CEP290: variants seen among roughly 807,000 people sequenced by gnomAD.
The protein encoded by CEP290 is centrosomal protein 290, also known as centrosomal protein of 290 kDa.
In CEP290, 317 loss-of-function variants were observed where a neutral mutation model predicts 344.9. That is an observed-to-expected ratio of 0.92 (90% CI 0.84 to 1.01). The LOEUF is 1.01. Ranked by LOEUF, CEP290 falls within the 50% of genes least tolerant of loss-of-function variation. The pLI is 0.00. For missense variants in CEP290, 2,754 were observed against 2,761.4 expected (o/e 1.00, Z 0.06); for synonymous variants, 932 against 895.8 (o/e 1.04, Z -0.72).
In CEP290 at chr12:88,079,134, G is replaced by T; in HGVS notation, c.5322C>A (p.Leu1774=). The T allele has an allele frequency of 1.9e-6, 3 of 1,597,048 alleles. No individual in the cohort carries two copies. The highest frequency in any genetic ancestry group is 2.6e-6 in the Non-Finnish European group (3 of 1,173,342). Residue 1774 remains leucine (L), a synonymous_variant, in exon 39 of 54, where the codon CTC becomes CTA. Coordinates refer to ENST00000552810, the MANE Select transcript of CEP290 (RefSeq NM_025114.4). ...ISATSQKEAH[L]NVQQIVDRHT... ...GTCGATCAACGATTTGTTGAACATTGAGATGGGCCTCTTTTTGAGAAGTTG... is the reference window on the plus strand; with the variant it reads ...GTCGATCAACGATTTGTTGAACATTTAGATGGGCCTCTTTTTGAGAAGTTG...
rs368995840 is a variant in CEP290, at chr12:88,051,152, AAAGT to A, written c.7130-723_7130-720del. ...AATAATAAAATACTAAAAGTTTGCG[AAAGT>A]AAGGGGCAGCAAACATTTTCATGGC... On this transcript the variant is annotated intron_variant, in intron 52 of 53. Transcript: ENST00000552810. Among the ~76,000 whole-genome samples the A allele has an allele frequency of 1.3e-4, 20 of 151,934 alleles. 1 individual carries two copies. In the East Asian group the frequency reaches 3.9e-3, roughly 29 times the overall value.
rs2040649264 is a variant in CEP290 at position 88,141,353 on chromosome 12, A to G, written c.-27-19T>C. 1 of 1,272,180 alleles carries G rather than the reference A, an allele frequency of 7.9e-7. No homozygotes were observed. The highest frequency in any genetic ancestry group is 1.1e-6 in the Non-Finnish European group (1 of 901,528). The allele number at this position is 1,272,180 out of a possible 1,614,324, so 78.8% of individuals were successfully genotyped here. A position where few individuals can be genotyped will look rare whatever the true frequency, so the allele number is the denominator to read the frequency against. On this transcript the variant is annotated intron_variant, in intron 1 of 53. Transcript: ENST00000552810. Reference sequence around the variant, plus strand: ...TCCACCTCTGTAACAAAACAGGTGTATATTAGCATTTTCAAGGTACACAGT... The same window carrying G: ...TCCACCTCTGTAACAAAACAGGTGTGTATTAGCATTTTCAAGGTACACAGT...
intron 20 of CEP290, among the ~76,000 whole-genome samples, chr12:88,112,345 T>A (rs931803867): frequency 6.6e-6 from 1 of 152,150 alleles, no homozygotes; most frequent in African/African-American, 2.4e-5. Flanking sequence ...AATACAATAT[T>A]GAACAATTGA....
chr12:88,125,318 G>T lies in CEP290; in HGVS notation c.1117C>A (p.Gln373Lys). 2 of 1,290,556 alleles carry T rather than the reference G, an allele frequency of 1.5e-6. No homozygotes were observed. The highest frequency in any genetic ancestry group is 2.0e-6 in the Non-Finnish European group (2 of 980,204). The allele number at this position is 1,290,556 out of a possible 1,614,324, so 79.9% of individuals were successfully genotyped here. The change falls in exon 13 of 54, where the codon CAA (glutamine) becomes AAA (lysine). Residue 373 changes from glutamine (Q) to lysine (K), a missense_variant. Gln to Lys is a moderately conservative substitution (Grantham distance 53). Coordinates refer to ENST00000552810, the MANE Select transcript of CEP290 (RefSeq NM_025114.4). ...TTCTTTTCCATTTCTTTTGTATATTGTTCTACTTGTTCGGTGAGCATCTTA... is the reference window on the plus strand; with the variant it reads ...TTCTTTTCCATTTCTTTTGTATATTTTTCTACTTGTTCGGTGAGCATCTTA... Reference protein sequence around the residue: ...QIKMLTEQVEQYTKEMEKNTC... With the variant: ...QIKMLTEQVEKYTKEMEKNTC...
At chr12:88,067,421 C>A (rs1342393346) in intron 44 of CEP290, among the ~76,000 whole-genome samples, 1 of 152,172 alleles carries the variant, frequency 6.6e-6, no homozygotes, top group East Asian at 1.9e-4. Flanking sequence ...GCCACGTAGC[C>A]AAACCAGGGA....
chr12:88,129,569 T>C, intron 10 of CEP290, 125 bp downstream of exon 10: 1 of 578,120 alleles, frequency 1.7e-6, no homozygotes, highest in Non-Finnish European at 2.9e-6. Context: ...CATGACAAGA[T>C]ATTACACTAT....
rs2036982078 is a variant in CEP290, at chr12:88,090,852, A to T, written c.3462-13T>A. ...AATCTCTCTCAGTCTAGGAAATGAT[A>T]AGGTATTTCAGGAACAATTAAGTAC... is the stretch of plus-strand genomic sequence containing the variant. On this transcript the variant is annotated splice_polypyrimidine_tract_variant and intron_variant, in intron 29 of 53. Coordinates refer to ENST00000552810, the MANE Select transcript of CEP290 (RefSeq NM_025114.4). The T allele has an allele frequency of 3.4e-6, 5 of 1,483,784 alleles. No individual in the cohort carries two copies. The African/African-American group carries it at 7.0e-5, about 21-fold the overall frequency. The allele number at this position is 1,483,784 out of a possible 1,614,324, so 91.9% of individuals were successfully genotyped here. A position where few individuals can be genotyped will look rare whatever the true frequency, so the allele number is the denominator to read the frequency against.
chr12:88,130,628 A>G (rs2040011920), intron 7 of CEP290, 63 bp from the exon 8 acceptor site: 1 of 1,424,402 alleles, frequency 7.0e-7, no homozygotes, highest in Non-Finnish European at 9.2e-7. Flanking sequence ...ATTAAAAATA[A>G]TAATCAGAAA....
At chr12:88,104,058 T>C (rs17015465) in intron 25 of CEP290, 1 of 141,882 alleles carries the variant, frequency 7.0e-6, no homozygotes, top group African/African-American at 2.8e-5. Flanking sequence ...ACTGTATTTA[T>C]AAAACTCTAA....
At chr12:88,135,479 T>C (rs1363820804) in intron 6 of CEP290, among the ~76,000 whole-genome samples, 2 of 152,146 alleles carry the variant, frequency 1.3e-5, no homozygotes, top group Non-Finnish European at 2.9e-5. Context: ...TTGATGACTA[T>C]TAAAAAATCC....
rs988798072 is a variant in CEP290, at chr12:88,089,043, C to G, written c.4018G>C (p.Gly1340Arg). 1 of 1,493,834 alleles carries G rather than the reference C, an allele frequency of 6.7e-7. No individual in the cohort carries two copies. Among genetic ancestry groups the G allele is most frequent in the African/African-American group, 1.4e-5 (1 of 70,606 alleles). The allele number at this position is 1,493,834 out of a possible 1,614,324, so 92.5% of individuals were successfully genotyped here. A position where few individuals can be genotyped will look rare whatever the true frequency, so the allele number is the denominator to read the frequency against. The change falls in exon 31 of 54, where the codon GGA becomes CGA. Residue 1340 changes from glycine (G) to arginine (R), a missense_variant. Physicochemically the swap from Gly to Arg is moderately radical, Grantham distance 125 (BLOSUM62 -2). Transcript: ENST00000552810. The part of the protein sequence containing the change: ...ELISTLKDTK[G>R]AQKVINWHMK... Reference sequence around the variant, plus strand: ...GTTTAAATGTTTACCTTTTGGGCTCCTTTGGTATCCTTTAAAGTGCTTATT... The same window carrying G: ...GTTTAAATGTTTACCTTTTGGGCTCGTTTGGTATCCTTTAAAGTGCTTATT...
At chr12:88,055,921 C>T (rs1406414276) in intron 49 of CEP290, among the ~76,000 whole-genome samples, 1 of 152,070 alleles carries the variant, frequency 6.6e-6, no homozygotes, top group Non-Finnish European at 1.5e-5. Context: ...ATGGCCCAAT[C>T]AAAATAAAGG....
intron 13 of CEP290, 31 bp downstream of exon 13, chr12:88,125,215 A>T (rs1415378104): frequency 1.6e-6 from 1 of 619,212 alleles, no homozygotes; most frequent in African/African-American, 1.9e-5. Flanking sequence ...ACATAATTGT[A>T]TATAAAATAA....
At chr12:88,135,028 C>A (rs2040277831) in intron 6 of CEP290, among the ~76,000 whole-genome samples, 1 of 152,128 alleles carries the variant, frequency 6.6e-6, no homozygotes, top group Non-Finnish European at 1.5e-5. Context: ...CAGAATATGA[C>A]CTTATGTATC....
chr12:88,091,945 G>A (rs1044786372), intron 29 of CEP290, among the ~76,000 whole-genome samples: 6 of 151,780 alleles, frequency 4.0e-5, no homozygotes, highest in Non-Finnish European at 7.4e-5. Context: ...ACAGAGTCTC[G>A]CTCTGTCACC....
chr12:88,111,892 A>AG (rs1399091606), intron 20 of CEP290, 34 bp from the exon 21 acceptor site: 6 of 1,384,992 alleles, frequency 4.3e-6, no homozygotes, highest in Non-Finnish European at 5.7e-6. Context: ...AGAAATGTGG[A>AG]GAAAAACAGT....
In CEP290 at chr12:88,102,936, C is replaced by T; in HGVS notation, c.2893G>A (p.Ala965Thr). The change falls in exon 26 of 54, where the codon GCT (alanine) becomes ACT (threonine). Residue 965 changes from alanine (A) to threonine (T), a missense_variant. Coordinates refer to ENST00000552810, the MANE Select transcript of CEP290 (RefSeq NM_025114.4). ...NSVSLSELEL[A>T]NKQYNELTAK... is the part of the protein sequence containing the mutation. Reference sequence around the variant, plus strand: ...GTCAGTTCATTGTACTGTTTATTAGCCAGTTCTAGTTCAGACAAAGAAACA... The same window carrying T: ...GTCAGTTCATTGTACTGTTTATTAGTCAGTTCTAGTTCAGACAAAGAAACA... 1 of 1,603,880 alleles carries T rather than the reference C, an allele frequency of 6.2e-7. No homozygotes were observed. Among genetic ancestry groups the T allele is most frequent in the Non-Finnish European group, 8.5e-7 (1 of 1,176,302 alleles).
chr12:88,087,285 G>A (rs955917939), intron 32 of CEP290, among the ~76,000 whole-genome samples: 2 of 152,040 alleles, frequency 1.3e-5, no homozygotes, highest in African/African-American at 4.8e-5. Context: ...ATGTATTGCC[G>A]TTTTTAAGAT....
chr12:88,116,043 T>G (rs1477268197), intron 18 of CEP290: 1 of 985,438 alleles, frequency 1.0e-6, no homozygotes, highest in Non-Finnish European at 1.2e-6. Flanking sequence ...ATGAATTTGT[T>G]GACAAAATAT....
Sources: gnomAD v4.1 joint callset for allele counts (sites outside exome capture counted in the v4.1 genomes callset) on GRCh38, gnomAD v4.1.1 for gene constraint, MANE v1.5 for transcripts, NCBI Gene and HGNC (gene_info 2026-07-23, HGNC 2026-07-21) for gene names.